RELN: variants seen among roughly 807,000 people sequenced by gnomAD.
RELN encodes reelin.
Under a neutral mutation model 427.6 loss-of-function variants are expected in RELN, and 108 were observed. The ratio of observed to expected loss-of-function variants is 0.25; its 90% CI spans 0.22 to 0.30. The LOEUF is 0.30. RELN is among the 10% of genes least tolerant of loss of function. The pLI, the probability that RELN is intolerant of heterozygous loss-of-function variation, is 1.00. For missense variants in RELN, 3,715 were observed against 4,302.8 expected (o/e 0.86, Z 3.82); for synonymous variants, 1,524 against 1,513.4 (o/e 1.01, Z -0.16).
intron 4 of RELN, among the ~76,000 whole-genome samples, chr7:103,767,280 T>C (rs1166218100): frequency 6.6e-6 from 1 of 152,214 alleles, no homozygotes. Flanking sequence ...TCTTGTTTAC[T>C]AGGGCTGTGG....
intron 2 of RELN, among the ~76,000 whole-genome samples, chr7:103,884,498 C>A (rs961018688): frequency 2.6e-5 from 4 of 152,114 alleles, no homozygotes; most frequent in Admixed American, 2.0e-4. Context: ...AACAGGCAAC[C>A]TACAGAATGG....
At chr7:103,610,862 T>G in intron 21 of RELN, 55 bp from the exon 22 acceptor site, 1 of 937,836 alleles carries the variant, frequency 1.1e-6, no homozygotes, top group South Asian at 1.3e-5. Flanking sequence ...TCAGGTGAAA[T>G]ATGTCTACTC....
At chr7:103,740,970 T>C (rs1224770630) in intron 6 of RELN, among the ~76,000 whole-genome samples, 1 of 152,174 alleles carries the variant, frequency 6.6e-6, no homozygotes, top group Non-Finnish European at 1.5e-5. Context: ...CCCAGGCACT[T>C]TGCTTCTATC....
At chr7:103,750,710 T>C (rs905618838) in intron 5 of RELN, among the ~76,000 whole-genome samples, 1 of 152,214 alleles carries the variant, frequency 6.6e-6, no homozygotes, top group Admixed American at 6.5e-5. Flanking sequence ...TATTCACTCA[T>C]CTTTTACTGA....
chr7:103,870,793 T>C (rs1794313046), intron 2 of RELN, among the ~76,000 whole-genome samples: 1 of 152,122 alleles, frequency 6.6e-6, no homozygotes, highest in Non-Finnish European at 1.5e-5. Context: ...TTCCTACATG[T>C]GTGCAGCTGA....
At position 103,988,011 on chromosome 7, in the gene RELN, G is replaced by T. The variant is rs1224314165; in HGVS notation, c.226+1120C>A. Among the ~76,000 whole-genome samples the T allele has an allele frequency of 6.6e-6, 1 of 152,088 alleles. No homozygotes were observed. Among genetic ancestry groups the T allele is most frequent in the African/African-American group, 2.4e-5 (1 of 41,388 alleles). The stretch of plus-strand genomic sequence containing the variant: ...ATTTTTAAATGCTTGTCTATCTTAA[G>T]TGCTAGCACCCCGTAGATTATCTCC... On this transcript the variant is annotated intron_variant, in intron 1 of 64. Transcript: ENST00000428762. This position sits in a 1 kb window ranked among gnomAD's most constrained non-coding sequence, Gnocchi z 4.9.
intron 2 of RELN, among the ~76,000 whole-genome samples, chr7:103,884,935 A>G (rs1489652934): frequency 6.6e-6 from 1 of 152,236 alleles, no homozygotes. Flanking sequence ...CACTCGGTAT[A>G]TACCCAAAGG....
At chr7:103,682,310 C>T (rs775905620) in intron 10 of RELN, 49 bp from the exon 11 acceptor site, 4 of 1,596,872 alleles carry the variant, frequency 2.5e-6, no homozygotes, top group South Asian at 1.1e-5. Context: ...GGTGTTGTAG[C>T]TGTATCTGTC....
At chr7:103,788,866 C>T (rs1792087999) in intron 3 of RELN, among the ~76,000 whole-genome samples, 1 of 152,118 alleles carries the variant, frequency 6.6e-6, no homozygotes, top group African/African-American at 2.4e-5. Context: ...CAAAAAGGAG[C>T]CCATATAGCC....
chr7:103,858,590 C>A (rs904681843), intron 2 of RELN, among the ~76,000 whole-genome samples: 1 of 152,092 alleles, frequency 6.6e-6, no homozygotes, highest in African/African-American at 2.4e-5. Flanking sequence ...GAATCCTAAA[C>A]ATCATTAAAA....
At chr7:103,861,724 T>C (rs62482271) in intron 2 of RELN, among the ~76,000 whole-genome samples, 3 of 152,188 alleles carry the variant, frequency 2.0e-5, no homozygotes, top group Non-Finnish European at 4.4e-5. Context: ...TGTTGACTTT[T>C]ATGAAAGTAA....
At chr7:103,816,195 A>C (rs911125891) in intron 3 of RELN, among the ~76,000 whole-genome samples, 1 of 152,142 alleles carries the variant, frequency 6.6e-6, no homozygotes, top group African/African-American at 2.4e-5. Flanking sequence ...CCTGGCCAAC[A>C]TGGTGAAACC....
intron 21 of RELN, among the ~76,000 whole-genome samples, chr7:103,611,323 G>A (rs988455984): frequency 6.6e-6 from 1 of 152,162 alleles, no homozygotes; most frequent in Non-Finnish European, 1.5e-5. Context: ...TATAAAGAAA[G>A]AGGGATAGAG....
intron 1 of RELN, among the ~76,000 whole-genome samples, chr7:103,929,122 TACCAATGA>T (rs1198391136): frequency 6.6e-6 from 1 of 152,144 alleles, no homozygotes; most frequent in Admixed American, 6.6e-5. Flanking sequence ...TTCTTGAATT[TACCAATGA>T]ACCAACATCA....
intron 11 of RELN, among the ~76,000 whole-genome samples, chr7:103,674,937 A>G (rs1489868280): frequency 6.6e-6 from 1 of 152,206 alleles, no homozygotes; most frequent in Non-Finnish European, 1.5e-5. Context: ...ATCATACTGA[A>G]TGGGCAAAAA....
chr7:103,565,612 A>G (rs1830733939), intron 33 of RELN, 61 bp from the exon 34 acceptor site: 1 of 1,535,138 alleles, frequency 6.5e-7, no homozygotes, highest in Non-Finnish European at 8.9e-7. Flanking sequence ...TTTGGTGTTT[A>G]TGCTTATAAT....
chr7:103,502,524 C>T (rs1239597651), intron 52 of RELN, among the ~76,000 whole-genome samples: 1 of 152,202 alleles, frequency 6.6e-6, no homozygotes, highest in East Asian at 1.9e-4. Flanking sequence ...GGCTAATTAC[C>T]TCTCACTGCA....
chr7:103,851,565 A>C (rs7788125), intron 2 of RELN, among the ~76,000 whole-genome samples: 1 of 152,022 alleles, frequency 6.6e-6, no homozygotes, highest in Non-Finnish European at 1.5e-5. Flanking sequence ...AGCTCTCCGT[A>C]GTACTGAAGT....
chr7:103,699,800 A>T (rs1413806234), intron 9 of RELN, among the ~76,000 whole-genome samples: 1 of 152,152 alleles, frequency 6.6e-6, no homozygotes, highest in East Asian at 1.9e-4. Flanking sequence ...TTCTGTTATA[A>T]AATTGTCACA....
Sources: gnomAD v4.1 joint callset for allele counts (sites outside exome capture counted in the v4.1 genomes callset) on GRCh38, gnomAD v4.1.1 for gene constraint, Gnocchi (gnomAD v3.1) non-coding constraint, MANE v1.5 for transcripts, NCBI Gene and HGNC (gene_info 2026-07-23, HGNC 2026-07-21) for gene names.